The following WDR27 variants were observed in gnomAD, a reference collection of about 807,000 sequenced individuals.
WDR27 encodes the protein WD repeat-containing protein 27.
WDR27 carries 100 observed loss-of-function variants against 114.4 expected under a neutral mutation model. The ratio of observed to expected loss-of-function variants is 0.87; its 90% CI spans 0.74 to 1.03. The LOEUF is 1.03. Among genes scored for constraint, WDR27 ranks in the 50% least tolerant of loss-of-function variants. The pLI is 0.00. For synonymous variants in WDR27, 449 were observed against 423.1 expected (o/e 1.06, Z -0.75); for missense variants, 1,129 against 1,092.9 (o/e 1.03, Z -0.47).
Position 169,651,853 on chromosome 6 carries a change from G to A in WDR27, c.1481+77C>T. 2.3e-6 allele frequency: 3 copies of A among 1,288,980 alleles called. No homozygotes were observed. The East Asian group carries it at 7.1e-5, about 31-fold the overall frequency. The allele number at this position is 1,288,980 out of a possible 1,614,324, so 79.8% of individuals were successfully genotyped here. On this transcript the variant is annotated intron_variant, in intron 14 of 25. Coordinates refer to ENST00000448612, the MANE Select transcript of WDR27 (RefSeq NM_182552.5). ...TACTGTGGCCCTCGGGGATGTATGT[G>A]TGTCCCTATTTGTGTTAAAATCCTG...
At chr6:169,493,926 T>C (rs74316886) in intron 25 of WDR27, among the ~76,000 whole-genome samples, 1,636 of 152,314 alleles carry the variant, frequency 0.011, 37 homozygotes, top group African/African-American at 0.038. Flanking sequence ...GCATTTTTCC[T>C]ATGAGATAAA....
Position 169,586,847 on chromosome 6 carries a change from C to CAAAAAAAAAAAAAAAAAA in WDR27, c.2425-3931_2425-3914dup, listed in dbSNP as rs3029697. 1.9e-4 allele frequency among the ~76,000 whole-genome samples: 6 copies of CAAAAAAAAAAAAAAAAAA among 32,056 alleles called. 2 individuals are homozygous for CAAAAAAAAAAAAAAAAAA. Among genetic ancestry groups the CAAAAAAAAAAAAAAAAAA allele is most frequent in the Non-Finnish European group, 3.3e-4 (6 of 17,964 alleles). 21.0% of individuals were successfully genotyped at this position (32,056 alleles called of 152,430 possible). Reference sequence around the variant, plus strand: ...CTGGCGACACAGCTAGACTCTGTCTCAAAAAAAAAAAAAAAAAAAAAAAAA... The same window carrying CAAAAAAAAAAAAAAAAAA: ...CTGGCGACACAGCTAGACTCTGTCTCAAAAAAAAAAAAAAAAAAAAAAAAAAAAAAAAAAAAAAAAAAA... On this transcript the variant is annotated intron_variant, in intron 23 of 25. Transcript: ENST00000448612.
At chr6:169,645,023 TAAAAAAAAA>T (rs776362942) in intron 16 of WDR27, among the ~76,000 whole-genome samples, 3 of 46,982 alleles carry the variant, frequency 6.4e-5, no homozygotes, top group African/African-American at 3.0e-4. Flanking sequence ...AAAAAAAAAA[TAAAAAAAAA>T]AAATAAAAAA....
chr6:169,497,556 CAA>C (rs35202332), intron 25 of WDR27, among the ~76,000 whole-genome samples: 67,497 of 145,386 alleles, frequency 0.46, 18,390 homozygotes, highest in Non-Finnish European at 0.63. Context: ...CCTAAAACTA[CAA>C]AAAAAAAAAA....
chr6:169,645,023 T>TAAAAAAA (rs776362942), intron 16 of WDR27, among the ~76,000 whole-genome samples: 2 of 46,940 alleles, frequency 4.3e-5, no homozygotes, highest in Non-Finnish European at 7.8e-5. Flanking sequence ...AAAAAAAAAA[T>TAAAAAAA]AAAAAAAAAA....
chr6:169,626,692 G>A (rs777455773), intron 21 of WDR27, among the ~76,000 whole-genome samples: 15 of 152,176 alleles, frequency 9.9e-5, no homozygotes, highest in Non-Finnish European at 1.9e-4. Flanking sequence ...CTCACACCAC[G>A]TCCGTGAGTA....
At chr6:169,490,525 A>G (rs1789613823) in intron 25 of WDR27, among the ~76,000 whole-genome samples, 1 of 152,242 alleles carries the variant, frequency 6.6e-6, no homozygotes, top group African/African-American at 2.4e-5. Context: ...CTGAAAGGGA[A>G]GGACCCACAA....
At chr6:169,558,709 A>G (rs1055193644) in intron 25 of WDR27, 3 of 152,218 alleles carry the variant, frequency 2.0e-5, no homozygotes, top group Admixed American at 6.5e-5. Flanking sequence ...ATAAGGGCCC[A>G]GAGGTCTTCA....
chr6:169,479,611 TGA>T (rs1264234895), intron 25 of WDR27, among the ~76,000 whole-genome samples: 2 of 152,210 alleles, frequency 1.3e-5, no homozygotes, highest in African/African-American at 4.8e-5. Context: ...TCCAATTTAA[TGA>T]GTTATTATTT....
intron 25 of WDR27, among the ~76,000 whole-genome samples, chr6:169,564,705 C>T (rs901178963): frequency 6.6e-6 from 1 of 151,802 alleles, no homozygotes; most frequent in East Asian, 2.0e-4. Flanking sequence ...CTGGCTCCCA[C>T]GAGACTCTCA....
chr6:169,550,433 A>AT (rs1224373650), intron 25 of WDR27, among the ~76,000 whole-genome samples: 1 of 151,882 alleles, frequency 6.6e-6, no homozygotes, highest in Non-Finnish European at 1.5e-5. Flanking sequence ...TTATTTATTT[A>AT]TTTTGAGATA....
chr6:169,503,555 A>C (rs148362882), intron 25 of WDR27, among the ~76,000 whole-genome samples: 1 of 152,358 alleles, frequency 6.6e-6, no homozygotes, highest in African/African-American at 2.4e-5. Context: ...ACAGCCTGTC[A>C]TCTACTGGTT....
chr6:169,577,171 A>G (rs968295800), intron 24 of WDR27, among the ~76,000 whole-genome samples: 8 of 151,878 alleles, frequency 5.3e-5, no homozygotes, highest in African/African-American at 1.5e-4. Flanking sequence ...GGAAAGACGC[A>G]CCAACTCGCC....
Position 169,555,620 on chromosome 6 carries a change from AAGTG to A in WDR27, c.2645+16795_2645+16798del, listed in dbSNP as rs547187286. 4.5e-3 allele frequency among the ~76,000 whole-genome samples: 680 copies of A among 152,310 alleles called. 8 individuals carry two copies. Among genetic ancestry groups the A allele is most frequent in the African/African-American group, 0.016 (658 of 41,568 alleles). On this transcript the variant is annotated intron_variant, in intron 25 of 25. Coordinates refer to ENST00000448612, the MANE Select transcript of WDR27 (RefSeq NM_182552.5). The stretch of plus-strand genomic sequence containing the variant: ...AATTACAATATAATTAACCAATCTT[AAGTG>A]AGTAATTTTCCAGAATAATATTAGT...
chr6:169,569,448 G>A (rs1219420532), intron 25 of WDR27, among the ~76,000 whole-genome samples: 2 of 152,102 alleles, frequency 1.3e-5, no homozygotes, highest in African/African-American at 4.8e-5. Context: ...AAATTGTTAA[G>A]CTTCATTTTA....
At chr6:169,638,241 G>A (rs1584790626) in intron 18 of WDR27, among the ~76,000 whole-genome samples, 2 of 89,800 alleles carry the variant, frequency 2.2e-5, no homozygotes, top group Admixed American at 9.2e-5. Context: ...GCGTGAACCC[G>A]GGAAGCGGAG....
chr6:169,544,998 G>A (rs1324365460), intron 25 of WDR27, among the ~76,000 whole-genome samples: 3 of 152,086 alleles, frequency 2.0e-5, no homozygotes, highest in Non-Finnish European at 4.4e-5. Context: ...TTATCTATAG[G>A]GTTAATGCAA....
In WDR27 at chr6:169,486,462, C is replaced by T. The variant is rs77550436; in HGVS notation, c.2646-28828G>A. On this transcript the variant is annotated intron_variant, in intron 25 of 25. Transcript: ENST00000448612. Reference sequence around the variant, plus strand: ...GCTCCGGCAGCCTTTGTTTCCTCCACCAGGAGGCAGGGTTATTTATATTTC... The same window carrying T: ...GCTCCGGCAGCCTTTGTTTCCTCCATCAGGAGGCAGGGTTATTTATATTTC... Among the ~76,000 whole-genome samples the T allele has an allele frequency of 4.5e-3, 686 of 152,164 alleles. 3 individuals carry two copies. Among genetic ancestry groups the T allele is most frequent in the Non-Finnish European group, 8.0e-3 (542 of 68,010 alleles).
At chr6:169,596,608 A>AT (rs947455174) in intron 23 of WDR27, among the ~76,000 whole-genome samples, 390 of 151,050 alleles carry the variant, frequency 2.6e-3, no homozygotes, top group African/African-American at 7.3e-3. Flanking sequence ...GTTCATCCTT[A>AT]TTTTTTTTTG....
Sources: allele counts gnomAD v4.1 joint callset (sites outside exome capture counted in the v4.1 genomes callset), GRCh38; gene constraint gnomAD v4.1.1; transcripts MANE v1.5; gene names NCBI Gene and HGNC (gene_info 2026-07-23, HGNC 2026-07-21).